The following MRPL39 variants were observed in gnomAD, a reference collection of about 807,000 sequenced individuals.
MRPL39 encodes large ribosomal subunit protein mL39.
Under a neutral mutation model 44.5 loss-of-function variants are expected in MRPL39, and 35 were observed. That is an observed-to-expected ratio of 0.79 (90% CI 0.60 to 1.04). The LOEUF (loss-of-function observed/expected upper bound fraction) is 1.04, where lower values mean the gene tolerates loss of function less well. MRPL39 is among the 50% of genes least tolerant of loss of function. The probability of loss-of-function intolerance (pLI) is 0.00; values close to 1 mark genes in which losing one functional copy is unlikely to be tolerated. For missense variants in MRPL39, 433 were observed against 413.5 expected, an observed-to-expected ratio of 1.05 and a Z score of -0.41; for synonymous variants, 139 against 136.1, an observed-to-expected ratio of 1.02 and a Z score of -0.15.
chr21:25,589,852 G>T (rs779354224), intron 8 of MRPL39, among the ~76,000 whole-genome samples: 1 of 152,224 alleles, frequency 6.6e-6, no homozygotes, highest in Non-Finnish European at 1.5e-5. Context: ...AACTGCTGGT[G>T]CAGAGACCTT....
intron 9 of MRPL39, among the ~76,000 whole-genome samples, chr21:25,587,128 C>T (rs2031021359): frequency 6.6e-6 from 1 of 152,176 alleles, no homozygotes. Flanking sequence ...ACTAACATCA[C>T]TAGATATTCT....
At chr21:25,598,916 T>C (rs1168337109) in intron 5 of MRPL39, among the ~76,000 whole-genome samples, 2 of 150,138 alleles carry the variant, frequency 1.3e-5, no homozygotes, top group Non-Finnish European at 3.0e-5. Context: ...AATATAAGGC[T>C]TATATATTTT....
chr21:25,603,998 T>C, intron 2 of MRPL39, 63 bp from the exon 3 acceptor site: 1 of 1,469,012 alleles, frequency 6.8e-7, no homozygotes, highest in South Asian at 1.2e-5. Context: ...CATGTTTAAG[T>C]GCTATATTTA....
At chr21:25,587,145 G>C (rs1435351702) in intron 9 of MRPL39, among the ~76,000 whole-genome samples, 1 of 152,132 alleles carries the variant, frequency 6.6e-6, no homozygotes, top group Non-Finnish European at 1.5e-5. Context: ...TTCTAGGTAA[G>C]ACACTGTCTC....
At chr21:25,607,505 CCTT>C (rs2031729738), upstream of MRPL39, 1 of 1,604,312 alleles carries the variant, frequency 6.2e-7, no homozygotes, top group South Asian at 1.1e-5. Flanking sequence ...GCGCGCAAGT[CCTT>C]CTCCGCCCTC....
intron 6 of MRPL39, among the ~76,000 whole-genome samples, chr21:25,597,002 A>G (rs1246799542): frequency 2.0e-5 from 3 of 152,200 alleles, no homozygotes; most frequent in Admixed American, 6.5e-5. Flanking sequence ...ACACAATTAT[A>G]TAGTCGCTTA....
chr21:25,586,797 C>T (rs974611543), intron 9 of MRPL39, among the ~76,000 whole-genome samples: 1 of 152,224 alleles, frequency 6.6e-6, no homozygotes. Context: ...GCTTAAGAGA[C>T]TCCAATTCCT....
chr21:25,603,851 G>C lies in MRPL39; in HGVS notation c.365C>G (p.Ser122Cys). The C allele has an allele frequency of 3.7e-6, 6 of 1,612,686 alleles. No homozygotes were observed. Among genetic ancestry groups the C allele is most frequent in the Non-Finnish European group, 5.1e-6 (6 of 1,179,158 alleles). The change falls in exon 3 of 10, where the codon TCC becomes TGC. Residue 122 changes from serine (S) to cysteine (C), a missense_variant. Coordinates refer to ENST00000352957, the MANE Select transcript of MRPL39 (RefSeq NM_017446.4). The stretch of plus-strand genomic sequence containing the variant: ...GAAAGTAAGAAATTTAATTTCACAG[G>C]ACTTTGTTAAAGGCTTATACATGTC... ...PWDMYKPLTK[S>C]CEIKFLTFKD...
chr21:25,606,870 T>C, intron 1 of MRPL39, among the ~76,000 whole-genome samples: 1 of 152,156 alleles, frequency 6.6e-6, no homozygotes, highest in South Asian at 2.1e-4. Flanking sequence ...TTCCAATCAG[T>C]GCTTTACAAT....
At chr21:25,589,745 A>C (rs1011900795) in intron 8 of MRPL39, among the ~76,000 whole-genome samples, 5 of 152,226 alleles carry the variant, frequency 3.3e-5, no homozygotes, top group South Asian at 4.1e-4. Flanking sequence ...ATCTATAATA[A>C]AAGGTAAAAT....
At chr21:25,591,745 C>T (rs902624242) in intron 8 of MRPL39, among the ~76,000 whole-genome samples, 18 of 151,978 alleles carry the variant, frequency 1.2e-4, no homozygotes, top group Non-Finnish European at 1.9e-4. Flanking sequence ...AAAATGGTAC[C>T]GTCACTCTGG....
At chr21:25,598,874 A>C (rs1056662369) in intron 5 of MRPL39, among the ~76,000 whole-genome samples, 2 of 144,692 alleles carry the variant, frequency 1.4e-5, no homozygotes, top group African/African-American at 2.5e-5. Context: ...AAAAAAAAAA[A>C]CACTACAAAT....
chr21:25,594,249 C>CTTTTTTT (rs34629790), intron 6 of MRPL39, among the ~76,000 whole-genome samples: 4 of 54,258 alleles, frequency 7.4e-5, no homozygotes, highest in African/African-American at 2.0e-4. Context: ...TTTCTTTGTT[C>CTTTTTTT]TTTTTTTTTT....
At chr21:25,596,737 T>C (rs2031373900) in intron 6 of MRPL39, among the ~76,000 whole-genome samples, 1 of 152,190 alleles carries the variant, frequency 6.6e-6, no homozygotes, top group Non-Finnish European at 1.5e-5. Context: ...ATTAGATTAA[T>C]GTTAAAATTT....
At chr21:25,606,129 C>T (rs2031657948) in intron 2 of MRPL39, among the ~76,000 whole-genome samples, 1 of 152,146 alleles carries the variant, frequency 6.6e-6, no homozygotes, top group East Asian at 1.9e-4. Context: ...CTGCGCCCAC[C>T]ACATCTGGCT....
intron 3 of MRPL39, 108 bp downstream of exon 3, chr21:25,603,688 A>G: frequency 1.7e-6 from 2 of 1,187,528 alleles, no homozygotes; most frequent in Non-Finnish European, 2.4e-6. Context: ...AGTACGATAC[A>G]ACATTTGAAC....
At chr21:25,592,791 A>G in intron 8 of MRPL39, 21 bp downstream of exon 8, 1 of 1,552,790 alleles carries the variant, frequency 6.4e-7, no homozygotes, top group Non-Finnish European at 8.8e-7. Flanking sequence ...TGGAAGACCT[A>G]GAACTTTAAG....
At chr21:25,597,485 A>G in intron 5 of MRPL39, 71 bp from the exon 6 acceptor site, 1 of 827,870 alleles carries the variant, frequency 1.2e-6, no homozygotes, top group Non-Finnish European at 1.9e-6. Context: ...CAGTTGAAAC[A>G]AAACTCTATG....
In MRPL39 at chr21:25,585,685, A is replaced by G. The variant is rs368615713; in HGVS notation, c.*22T>C. ...ATTTAAAACATTTATTTTATTATAC[A>G]TATTTAAATTTTAGAAAGTTATTAG... On this transcript the variant is annotated 3_prime_UTR_variant, in exon 10 of 10. Transcript: ENST00000352957. 2.4e-6 allele frequency: 3 copies of G among 1,263,738 alleles called. No individual in the cohort carries two copies. The highest frequency in any genetic ancestry group is 1.1e-6 in the Non-Finnish European group (1 of 893,076). The allele number at this position is 1,263,738 out of a possible 1,614,324, so 78.3% of individuals were successfully genotyped here.
Sources: gnomAD v4.1 joint callset for allele counts (sites outside exome capture counted in the v4.1 genomes callset) on GRCh38, gnomAD v4.1.1 for gene constraint, MANE v1.5 for transcripts, NCBI Gene and HGNC (gene_info 2026-07-23, HGNC 2026-07-21) for gene names.